The following OR51E2 variants were observed in gnomAD, a reference collection of about 807,000 sequenced individuals.
The protein encoded by OR51E2 is olfactory receptor family 51 subfamily E member 2.
In OR51E2, 14 loss-of-function variants were observed where a neutral mutation model predicts 13.7. That is an observed-to-expected ratio of 1.02 (90% CI 0.68 to 1.60). The LOEUF (loss-of-function observed/expected upper bound fraction) is 1.60, where lower values mean the gene tolerates loss of function less well. Ranked by LOEUF, OR51E2 falls within the 40% of genes most tolerant of loss-of-function variation. The pLI, the probability that OR51E2 is intolerant of heterozygous loss-of-function variation, is 0.00. For missense variants in OR51E2, 483 were observed against 413.8 expected (o/e 1.17, Z -1.45); for synonymous variants, 180 against 157.6 (o/e 1.14, Z -1.07).
chr11:4,693,450 G>A (rs151052722), intron 1 of OR51E2, among the ~76,000 whole-genome samples: 202 of 152,250 alleles, frequency 1.3e-3, no homozygotes, highest in African/African-American at 4.6e-3. Context: ...GGCTGGGCGC[G>A]GTGGCTCACG....
chr11:4,684,408 G>A (rs1389248274), intron 1 of OR51E2, among the ~76,000 whole-genome samples: 1 of 151,138 alleles, frequency 6.6e-6, no homozygotes, highest in Admixed American at 6.7e-5. Flanking sequence ...AGGGGATATA[G>A]AACTTTAAAC....
chr11:4,697,582 C>G (rs1461670519), intron 1 of OR51E2, 71 bp downstream of exon 1: 1 of 152,686 alleles, frequency 6.5e-6, no homozygotes, highest in Non-Finnish European at 1.5e-5. Context: ...GAGGAAATTA[C>G]TCCCTGTGGG....
intron 1 of OR51E2, chr11:4,692,087 G>A (rs990424626): frequency 1.4e-5 from 6 of 424,236 alleles, no homozygotes; most frequent in Non-Finnish European, 1.4e-5. Flanking sequence ...TAAAGAGGTA[G>A]TGCATTATTT....
At chr11:4,686,397 G>A (rs1847515983) in intron 1 of OR51E2, among the ~76,000 whole-genome samples, 1 of 152,162 alleles carries the variant, frequency 6.6e-6, no homozygotes. Flanking sequence ...AGAGAAACTG[G>A]AGAGGTCAAT....
intron 1 of OR51E2, chr11:4,691,718 C>T (rs1847582887): frequency 2.8e-6 from 1 of 355,986 alleles, no homozygotes; most frequent in African/African-American, 2.1e-5. Flanking sequence ...ATTAAAAGTA[C>T]AGAACGAGAT....
At position 4,683,483 on chromosome 11, in the gene OR51E2, C is replaced by A. The variant is rs76901459; in HGVS notation, c.-50-722G>T. Among the ~76,000 whole-genome samples the A allele has an allele frequency of 1.5e-3, 226 of 152,210 alleles. 4 individuals are homozygous for A. Among genetic ancestry groups the A allele is most frequent in the East Asian group, 0.012 (63 of 5,174 alleles). On this transcript the variant is annotated intron_variant, in intron 1 of 1. Coordinates refer to ENST00000396950, the MANE Select transcript of OR51E2 (RefSeq NM_030774.4). ...AATCTCTTTCGGATTAAAGGAAACT[C>A]ATCTGTGGTCATAAAATCAAGGTAG...
intron 1 of OR51E2, among the ~76,000 whole-genome samples, chr11:4,686,765 G>A (rs1466863339): frequency 6.6e-6 from 1 of 151,848 alleles, no homozygotes; most frequent in East Asian, 1.9e-4. Context: ...CTAGTGCTCT[G>A]GCTTTTAGGA....
chr11:4,688,634 G>C (rs1847542247), intron 1 of OR51E2, among the ~76,000 whole-genome samples: 1 of 152,126 alleles, frequency 6.6e-6, no homozygotes, highest in Non-Finnish European at 1.5e-5. Context: ...CTTCACTGTG[G>C]GGGGAAATAG....
chr11:4,685,363 C>T (rs183855936), intron 1 of OR51E2, among the ~76,000 whole-genome samples: 1 of 152,320 alleles, frequency 6.6e-6, no homozygotes, highest in African/African-American at 2.4e-5. Context: ...CCAAGCTAAA[C>T]CAAGCACACA....
At chr11:4,684,632 T>C (rs1417033508) in intron 1 of OR51E2, among the ~76,000 whole-genome samples, 3 of 152,150 alleles carry the variant, frequency 2.0e-5, no homozygotes, top group Admixed American at 2.0e-4. Flanking sequence ...CAAGAGTCTT[T>C]ATTGGACCCA....
rs751193650 is a variant in OR51E2, at chr11:4,680,641, T to C, written c.*1108A>G. 27 of 152,620 alleles carry C rather than the reference T, an allele frequency of 1.8e-4. No homozygotes were observed. The highest frequency in any genetic ancestry group is 2.9e-4 in the Non-Finnish European group (20 of 68,024). The allele number at this position is 152,620 out of a possible 1,614,324, so 9.5% of individuals were successfully genotyped here. On this transcript the variant is annotated 3_prime_UTR_variant, in exon 2 of 2. Coordinates refer to ENST00000396950, the MANE Select transcript of OR51E2 (RefSeq NM_030774.4). Reference sequence around the variant, plus strand: ...TAATATAAACTTCATTTCTCTCACTTATAATAAAGAGACACAAATGGTACC... The same window carrying C: ...TAATATAAACTTCATTTCTCTCACTCATAATAAAGAGACACAAATGGTACC...
chr11:4,691,591 C>G (rs1299524164), intron 1 of OR51E2: 1 of 456,244 alleles, frequency 2.2e-6, no homozygotes, highest in East Asian at 6.9e-5. Flanking sequence ...AGAGCAGTTA[C>G]AGAGAGGAAG....
intron 1 of OR51E2, among the ~76,000 whole-genome samples, chr11:4,693,717 G>A (rs1589875653): frequency 6.6e-6 from 1 of 152,104 alleles, no homozygotes; most frequent in East Asian, 1.9e-4. Context: ...GCGAGACTCC[G>A]TTTCAAAAAA....
rs939868911 is a variant in OR51E2, at chr11:4,682,122, T to A, written c.590A>T (p.Tyr197Phe). Residue 197 changes from tyrosine to phenylalanine, a missense_variant, in exon 2 of 2, where the codon TAT (tyrosine) becomes TTT (phenylalanine). Transcript: ENST00000396950. ...GACCAGCAGAATGGCAGTAAGACCA[T>A]ATACCACATTGGGCAAAGTGTCTGC... ...AYADTLPNVV[Y>F]GLTAILLVMG... The A allele has an allele frequency of 1.4e-5, 23 of 1,614,088 alleles. No individual in the cohort carries two copies. The highest frequency in any genetic ancestry group is 1.9e-5 in the Non-Finnish European group (23 of 1,180,046).
chr11:4,685,507 T>A (rs1302670598), intron 1 of OR51E2, among the ~76,000 whole-genome samples: 2 of 152,198 alleles, frequency 1.3e-5, no homozygotes, highest in Non-Finnish European at 2.9e-5. Context: ...TATAGTTCCA[T>A]AATTCAAAAT....
chr11:4,686,768 T>C (rs1847519530), intron 1 of OR51E2, among the ~76,000 whole-genome samples: 1 of 152,102 alleles, frequency 6.6e-6, no homozygotes, highest in African/African-American at 2.4e-5. Context: ...GTGCTCTGGC[T>C]TTTAGGAAAG....
chr11:4,691,510 G>A (rs1395898060), intron 1 of OR51E2: 1 of 456,806 alleles, frequency 2.2e-6, no homozygotes, highest in East Asian at 6.9e-5. Context: ...AGCATGGAGA[G>A]GAAATAGTAC....
intron 1 of OR51E2, among the ~76,000 whole-genome samples, chr11:4,690,066 T>C (rs1474683891): frequency 6.8e-6 from 1 of 148,086 alleles, no homozygotes; most frequent in African/African-American, 2.4e-5. Flanking sequence ...ATATAAATTA[T>C]ATATAAATTA....
intron 1 of OR51E2, chr11:4,690,885 T>C (rs758577373): frequency 2.2e-6 from 1 of 456,598 alleles, no homozygotes; most frequent in South Asian, 1.5e-5. Flanking sequence ...AGTATGTACA[T>C]AGGCTGGGGC....
Sources: allele counts gnomAD v4.1 joint callset (sites outside exome capture counted in the v4.1 genomes callset), GRCh38; gene constraint gnomAD v4.1.1; transcripts MANE v1.5; gene names NCBI Gene and HGNC (gene_info 2026-07-23, HGNC 2026-07-21).